Variants in RFX3 observed in about 807,000 individuals in gnomAD.
RFX3 encodes regulatory factor X3, also known as transcription factor RFX3.
In RFX3, 14 loss-of-function variants were observed where a neutral mutation model predicts 98.6. That is an observed-to-expected ratio of 0.14 (90% CI 0.09 to 0.22). The LOEUF (loss-of-function observed/expected upper bound fraction) is 0.22. RFX3 is among the 10% of genes least tolerant of loss of function. RFX3 has a pLI of 1.00. For synonymous variants in RFX3, 383 were observed against 328.4 expected (o/e 1.17, Z -1.80); for missense variants, 639 against 926.9 (o/e 0.69, Z 4.03).
intron 4 of RFX3, among the ~76,000 whole-genome samples, chr9:3,303,931 G>A (rs970209483): frequency 6.6e-6 from 1 of 151,928 alleles, no homozygotes; most frequent in Non-Finnish European, 1.5e-5. Context: ...ATTTCTTTTG[G>A]CTTTAGGAAT....
At chr9:3,230,806 T>G (rs1364561367) in intron 15 of RFX3, among the ~76,000 whole-genome samples, 1 of 152,236 alleles carries the variant, frequency 6.6e-6, no homozygotes, top group Non-Finnish European at 1.5e-5. Flanking sequence ...GAAAAGTCTC[T>G]GCAAGTTGTT....
intron 15 of RFX3, chr9:3,247,106 C>T (rs955329673): frequency 8.1e-6 from 8 of 984,798 alleles, no homozygotes; most frequent in South Asian, 4.7e-5. Context: ...TCTTTTTTAC[C>T]GCCTTGGGTA....
chr9:3,330,193 T>C (rs912565403), intron 4 of RFX3, 66 bp downstream of exon 4: 1 of 1,521,642 alleles, frequency 6.6e-7, no homozygotes, highest in African/African-American at 1.4e-5. Flanking sequence ...TTTCCCTCTA[T>C]CAAAGGAAAT....
chr9:3,361,392 T>C (rs375835730), intron 2 of RFX3, among the ~76,000 whole-genome samples: 25 of 152,128 alleles, frequency 1.6e-4, no homozygotes, highest in African/African-American at 5.8e-4. Context: ...AGTACGGATA[T>C]GCTAGAAGGG....
intron 1 of RFX3, among the ~76,000 whole-genome samples, chr9:3,483,735 G>C (rs920091937): frequency 1.3e-5 from 2 of 152,198 alleles, no homozygotes; most frequent in Non-Finnish European, 2.9e-5. Flanking sequence ...TGCCAATCTT[G>C]CCGTGGCAAC....
intron 1 of RFX3, among the ~76,000 whole-genome samples, chr9:3,512,346 G>GTT (rs1003303822): frequency 3.3e-5 from 5 of 151,848 alleles, no homozygotes; most frequent in African/African-American, 1.2e-4. Flanking sequence ...GCATATGGGA[G>GTT]TTTATTATAC....
chr9:3,400,795 A>G (rs1195570575), intron 1 of RFX3, among the ~76,000 whole-genome samples: 1 of 152,202 alleles, frequency 6.6e-6, no homozygotes. Flanking sequence ...TTCTAGTTCA[A>G]TCTTCAGAAG....
chr9:3,424,860 A>T (rs1332924336), intron 1 of RFX3, among the ~76,000 whole-genome samples: 3 of 152,200 alleles, frequency 2.0e-5, no homozygotes, highest in Non-Finnish European at 4.4e-5. Flanking sequence ...GAATAATACT[A>T]GTCTCAAGAT....
intron 1 of RFX3, among the ~76,000 whole-genome samples, chr9:3,408,015 T>C (rs1842110591): frequency 6.6e-6 from 1 of 152,136 alleles, no homozygotes; most frequent in Admixed American, 6.5e-5. Flanking sequence ...GTACACACCA[T>C]AACGCCCACT....
intron 1 of RFX3, among the ~76,000 whole-genome samples, chr9:3,404,096 A>G (rs1296366903): frequency 1.3e-5 from 2 of 152,198 alleles, no homozygotes; most frequent in Admixed American, 6.5e-5. Context: ...AATAATAGAA[A>G]CAATATACCC....
intron 2 of RFX3, among the ~76,000 whole-genome samples, chr9:3,392,839 TA>T (rs1358890039): frequency 6.6e-6 from 1 of 151,914 alleles, no homozygotes; most frequent in African/African-American, 2.4e-5. Context: ...CTAAGAAAAA[TA>T]AATGAGTTTT....
At chr9:3,465,796 G>GT (rs1448161826) in intron 1 of RFX3, among the ~76,000 whole-genome samples, 1 of 152,010 alleles carries the variant, frequency 6.6e-6, no homozygotes, top group Non-Finnish European at 1.5e-5. Flanking sequence ...GGTAAAGATA[G>GT]TAAGTATTGC....
chr9:3,441,940 C>T (rs979062684), intron 1 of RFX3, among the ~76,000 whole-genome samples: 1 of 152,146 alleles, frequency 6.6e-6, no homozygotes. Flanking sequence ...TGGCTCACAC[C>T]TGTAATCCCA....
intron 1 of RFX3, among the ~76,000 whole-genome samples, chr9:3,496,088 A>G (rs1395221526): frequency 6.6e-6 from 1 of 151,996 alleles, no homozygotes; most frequent in African/African-American, 2.4e-5. Context: ...TCTTATATCA[A>G]CATTGTAAGG....
intron 5 of RFX3, among the ~76,000 whole-genome samples, chr9:3,293,709 A>C (rs931112827): frequency 2.2e-4 from 34 of 152,154 alleles, no homozygotes; most frequent in African/African-American, 8.2e-4. Flanking sequence ...GCCTGGTATG[A>C]GTGTTTATAT....
At chr9:3,473,905 TA>T (rs1848990955) in intron 1 of RFX3, among the ~76,000 whole-genome samples, 1 of 152,162 alleles carries the variant, frequency 6.6e-6, no homozygotes, top group Non-Finnish European at 1.5e-5. Flanking sequence ...ATAAGAGAAA[TA>T]TTTTTAAACC....
In RFX3 at chr9:3,338,155, A is replaced by G. The variant is rs944681038; in HGVS notation, c.216-7638T>C. On this transcript the variant is annotated intron_variant, in intron 3 of 16. Transcript: ENST00000617270. Reference sequence around the variant, plus strand: ...GTGACCTGATATTAAACCTCCCCTTACTACATAAGAATAAAAAAGAATAGG... The same window carrying G: ...GTGACCTGATATTAAACCTCCCCTTGCTACATAAGAATAAAAAAGAATAGG... 1.4e-4 allele frequency among the ~76,000 whole-genome samples: 21 copies of G among 152,312 alleles called. 1 individual carries two copies. The highest frequency in any genetic ancestry group is 5.1e-4 in the African/African-American group (21 of 41,568).
chr9:3,456,154 A>G (rs1047310889), intron 1 of RFX3, among the ~76,000 whole-genome samples: 3 of 152,192 alleles, frequency 2.0e-5, no homozygotes, highest in African/African-American at 4.8e-5. Flanking sequence ...TCATGACCTT[A>G]TGACCAATCC....
chr9:3,330,160 C>T (rs1231524809), intron 4 of RFX3, 99 bp downstream of exon 4: 1 of 1,244,742 alleles, frequency 8.0e-7, no homozygotes, highest in Non-Finnish European at 1.1e-6. Flanking sequence ...ACATTCTTGC[C>T]CCAGTCCCAT....
Sources: allele counts gnomAD v4.1 joint callset (sites outside exome capture counted in the v4.1 genomes callset), GRCh38; gene constraint gnomAD v4.1.1; transcripts MANE v1.5; gene names NCBI Gene and HGNC (gene_info 2026-07-23, HGNC 2026-07-21).